Variants in ATF6 observed in about 807,000 individuals in gnomAD.
ATF6 encodes cyclic AMP-dependent transcription factor ATF-6 alpha.
Under a neutral mutation model 83.6 loss-of-function variants are expected in ATF6, and 53 were observed. The ratio of observed to expected loss-of-function variants is 0.63; its 90% CI spans 0.51 to 0.80. The LOEUF is 0.80. Ranked by LOEUF, ATF6 falls within the 30% of genes least tolerant of loss-of-function variation. The pLI, the probability that ATF6 is intolerant of heterozygous loss-of-function variation, is 0.00. For missense variants in ATF6, 744 were observed against 797.9 expected (o/e 0.93, Z 0.81); for synonymous variants, 288 against 285.8 (o/e 1.01, Z -0.08).
At chr1:161,808,054 A>AT (rs1187916332) in intron 7 of ATF6, among the ~76,000 whole-genome samples, 2 of 150,820 alleles carry the variant, frequency 1.3e-5, no homozygotes, top group Non-Finnish European at 1.5e-5. Flanking sequence ...TAATTTTTGT[A>AT]TTTTTAGTAG....
chr1:161,790,809 TCAACAA>T (rs34420630), intron 4 of ATF6, among the ~76,000 whole-genome samples: 9,223 of 149,622 alleles, frequency 0.062, 318 homozygotes, highest in South Asian at 0.13. Flanking sequence ...AGACTCTGTC[TCAACAA>T]CAACAACAAC....
chr1:161,895,406 A>G (rs1687652028), intron 14 of ATF6, among the ~76,000 whole-genome samples: 1 of 152,244 alleles, frequency 6.6e-6, no homozygotes, highest in African/African-American at 2.4e-5. Context: ...TTTTTACATC[A>G]TTGCAATATA....
At chr1:161,784,214 T>C in intron 4 of ATF6, 118 bp downstream of exon 4, 5 of 709,346 alleles carry the variant, frequency 7.0e-6, no homozygotes, top group Admixed American at 2.9e-5. Flanking sequence ...GTCTCATTTA[T>C]TGAGGGAACT....
At position 161,824,070 on chromosome 1, in the gene ATF6, A is replaced by G. The variant is rs141263067; in HGVS notation, c.1187+2909A>G. Among the ~76,000 whole-genome samples, 173 of 152,338 alleles carry G rather than the reference A, an allele frequency of 1.1e-3. 1 individual carries two copies. Among genetic ancestry groups the G allele is most frequent in the African/African-American group, 4.1e-3 (169 of 41,578 alleles). ...TTCCAAAAAGACTGTATCCGTTTAC[A>G]TTCCCACTAGCAGGAGAGAGGAGTA... is the stretch of plus-strand genomic sequence containing the variant. On this transcript the variant is annotated intron_variant, in intron 9 of 15. Transcript: ENST00000367942.
intron 1 of ATF6, among the ~76,000 whole-genome samples, chr1:161,773,600 C>T (rs1262448251): frequency 6.6e-6 from 1 of 152,132 alleles, no homozygotes; most frequent in Non-Finnish European, 1.5e-5. Flanking sequence ...TACTGATTTC[C>T]ACATTGCTAA....
intron 15 of ATF6, among the ~76,000 whole-genome samples, chr1:161,952,503 A>G (rs1466271398): frequency 6.6e-6 from 1 of 151,220 alleles, no homozygotes; most frequent in African/African-American, 2.4e-5. Flanking sequence ...TATTTTCTTT[A>G]TTTTCTGTAT....
chr1:161,848,374 CA>C (rs1292501266), intron 10 of ATF6, among the ~76,000 whole-genome samples: 2 of 151,918 alleles, frequency 1.3e-5, no homozygotes, highest in African/African-American at 4.8e-5. Context: ...GATACCTATA[CA>C]TTTTTTTTAA....
At chr1:161,953,098 T>C (rs1272370901) in intron 15 of ATF6, among the ~76,000 whole-genome samples, 1 of 152,220 alleles carries the variant, frequency 6.6e-6, no homozygotes, top group African/African-American at 2.4e-5. Flanking sequence ...ACAGAAACAC[T>C]AAGTGTTTCT....
rs531147165 is a variant in ATF6 at position 161,766,520 on chromosome 1, C to G, written c.82+78C>G. The G allele has an allele frequency of 8.4e-6, 12 of 1,436,826 alleles. No homozygotes were observed. The African/African-American group carries it at 8.4e-5, about 10-fold the overall frequency. 89.0% of individuals were successfully genotyped at this position (1,436,826 alleles called of 1,614,324 possible). ...TTCTTCCTCCCTACTTCCGCCCACT[C>G]GTGGTGACAGGTGTGGACCAACCCT... is the stretch of plus-strand genomic sequence containing the variant. On this transcript the variant is annotated intron_variant, in intron 1 of 15. Coordinates refer to ENST00000367942, the MANE Select transcript of ATF6 (RefSeq NM_007348.4).
intron 14 of ATF6, among the ~76,000 whole-genome samples, chr1:161,879,874 C>T (rs1687288523): frequency 6.6e-6 from 1 of 152,012 alleles, no homozygotes; most frequent in African/African-American, 2.4e-5. Context: ...CAGCTAGATG[C>T]AACTTAATAA....
chr1:161,888,205 A>G (rs900573510), intron 14 of ATF6, among the ~76,000 whole-genome samples: 1 of 152,244 alleles, frequency 6.6e-6, no homozygotes, highest in Admixed American at 6.5e-5. Flanking sequence ...TGGCTGCATG[A>G]ATCATTGAAA....
intron 11 of ATF6, among the ~76,000 whole-genome samples, 194 bp from the exon 12 acceptor site, chr1:161,853,030 A>G (rs1296931566): frequency 6.6e-6 from 1 of 152,226 alleles, no homozygotes; most frequent in South Asian, 2.1e-4. Context: ...TTTACCATGT[A>G]AAAATGCATG....
At chr1:161,838,281 A>G (rs1249189214) in intron 9 of ATF6, among the ~76,000 whole-genome samples, 1 of 152,240 alleles carries the variant, frequency 6.6e-6, no homozygotes, top group African/African-American at 2.4e-5. Context: ...CACACCTTTT[A>G]TATTAAACAC....
At position 161,781,997 on chromosome 1, in the gene ATF6, C is replaced by T. The variant is rs144743551; in HGVS notation, c.245C>T (p.Thr82Ile). ...DIWDINNQIC[T>I]VKDIKAEPQP... ...TGGGACATCAACAACCAAATCTGTA[C>T]AGGTAATTATGTGTTTCACTGGTAA... Residue 82 changes from threonine (T) to isoleucine (I), a missense_variant and splice_region_variant, in exon 3 of 16, where the codon ACA becomes ATA. Transcript: ENST00000367942. 3 of 1,592,708 alleles carry T rather than the reference C, an allele frequency of 1.9e-6. No individual in the cohort carries two copies. The highest frequency in any genetic ancestry group is 1.7e-5 in the Admixed American group (1 of 57,674).
At chr1:161,922,914 T>G (rs1688241523) in intron 15 of ATF6, among the ~76,000 whole-genome samples, 2 of 151,718 alleles carry the variant, frequency 1.3e-5, no homozygotes, top group South Asian at 4.2e-4. Flanking sequence ...TGCTGAGGAG[T>G]TTGAGGTGGG....
chr1:161,862,658 T>C (rs1021750377), intron 13 of ATF6, among the ~76,000 whole-genome samples: 2 of 152,102 alleles, frequency 1.3e-5, no homozygotes, highest in Admixed American at 6.6e-5. Context: ...ACTCTTTTTA[T>C]TGAGGAGGAA....
chr1:161,940,421 A>G (rs1434762616), intron 15 of ATF6, among the ~76,000 whole-genome samples: 1 of 151,906 alleles, frequency 6.6e-6, no homozygotes, highest in Non-Finnish European at 1.5e-5. Flanking sequence ...TTCCACTTAT[A>G]TTTTGTATTT....
At chr1:161,843,888 T>C (rs948052746) in intron 9 of ATF6, among the ~76,000 whole-genome samples, 5 of 152,322 alleles carry the variant, frequency 3.3e-5, no homozygotes, top group African/African-American at 1.2e-4. Flanking sequence ...AAGTTCTTGA[T>C]TGATTAGTAG....
chr1:161,818,033 G>T (rs1207485268), intron 7 of ATF6, among the ~76,000 whole-genome samples: 4 of 147,798 alleles, frequency 2.7e-5, no homozygotes, highest in Non-Finnish European at 6.0e-5. Flanking sequence ...CCTGGGAGGC[G>T]GAGCTTGCAG....
Sources: gnomAD v4.1 joint callset for allele counts (sites outside exome capture counted in the v4.1 genomes callset) on GRCh38, gnomAD v4.1.1 for gene constraint, MANE v1.5 for transcripts, NCBI Gene and HGNC (gene_info 2026-07-23, HGNC 2026-07-21) for gene names.